The following PTPRG variants were observed in gnomAD, a reference collection of about 807,000 sequenced individuals.
PTPRG encodes the protein receptor-type tyrosine-protein phosphatase gamma.
A neutral mutation model predicts 165.3 loss-of-function variants in PTPRG; 102 were observed. The ratio of observed to expected loss-of-function variants is 0.62; its 90% CI spans 0.53 to 0.73. PTPRG has a LOEUF of 0.73. Among genes scored for constraint, PTPRG ranks in the 30% least tolerant of loss-of-function variants. The pLI is 0.00. For synonymous variants in PTPRG, 675 were observed against 669.5 expected (o/e 1.01, Z -0.13); for missense variants, 1,866 against 1,861.4 (o/e 1.00, Z -0.05).
chr3:61,621,051 A>ATGTGTGTG (rs1173192341), intron 1 of PTPRG, among the ~76,000 whole-genome samples: 43 of 117,938 alleles, frequency 3.6e-4, no homozygotes, highest in African/African-American at 1.1e-3. Flanking sequence ...ATATATATAT[A>ATGTGTGTG]TGTGTGTGTG....
At chr3:61,724,934 G>A (rs373203571) in intron 1 of PTPRG, among the ~76,000 whole-genome samples, 6 of 151,944 alleles carry the variant, frequency 3.9e-5, no homozygotes, top group African/African-American at 1.2e-4. Context: ...CTGTTCCCAC[G>A]TCCTCTCACC....
At chr3:62,095,863 T>C (rs940967397) in intron 5 of PTPRG, among the ~76,000 whole-genome samples, 2 of 152,072 alleles carry the variant, frequency 1.3e-5, no homozygotes, top group Admixed American at 6.5e-5. Context: ...AGCAATAGCA[T>C]GAGCAATGGC....
At chr3:61,848,411 C>G (rs1409991796) in intron 2 of PTPRG, among the ~76,000 whole-genome samples, 1 of 152,190 alleles carries the variant, frequency 6.6e-6, no homozygotes, top group African/African-American at 2.4e-5. Context: ...CTGAAATCCT[C>G]TGTTGGCAAA....
chr3:61,953,497 C>G (rs1356895853), intron 2 of PTPRG, among the ~76,000 whole-genome samples: 1 of 152,190 alleles, frequency 6.6e-6, no homozygotes, highest in Non-Finnish European at 1.5e-5. Context: ...GGCAGCACTT[C>G]TAAAGGTTAC....
intron 4 of PTPRG, among the ~76,000 whole-genome samples, chr3:62,012,266 G>C (rs1169406900): frequency 6.6e-6 from 1 of 152,116 alleles, no homozygotes; most frequent in African/African-American, 2.4e-5. Context: ...CCAGAATCTG[G>C]GCTCGAATAT....
At chr3:61,723,028 A>G (rs1001016810) in intron 1 of PTPRG, among the ~76,000 whole-genome samples, 3 of 150,806 alleles carry the variant, frequency 2.0e-5, no homozygotes, top group Admixed American at 6.6e-5. Flanking sequence ...TTGTGACCCA[A>G]CCCTAGGTTA....
At chr3:62,215,114 G>C (rs373896584) in intron 12 of PTPRG, among the ~76,000 whole-genome samples, 71 of 152,304 alleles carry the variant, frequency 4.7e-4, no homozygotes, top group African/African-American at 1.6e-3. Flanking sequence ...ATGATGCTGG[G>C]TTGGGGATGG....
At chr3:61,795,686 T>A (rs561476364) in intron 2 of PTPRG, among the ~76,000 whole-genome samples, 36 of 149,494 alleles carry the variant, frequency 2.4e-4, no homozygotes, top group African/African-American at 8.9e-4. Flanking sequence ...AGTATCTACC[T>A]TCACAGTGTT....
intron 2 of PTPRG, among the ~76,000 whole-genome samples, chr3:61,924,907 A>G (rs779221067): frequency 6.6e-6 from 1 of 152,220 alleles, no homozygotes. Context: ...TAATTAGGTC[A>G]TAAGCGTGGA....
At chr3:62,265,989 A>G (rs1425799477) in intron 17 of PTPRG, among the ~76,000 whole-genome samples, 2 of 151,424 alleles carry the variant, frequency 1.3e-5, no homozygotes, top group Admixed American at 1.3e-4. Flanking sequence ...TGCCTTGCTA[A>G]AAGTATTGTG....
chr3:61,925,496 C>T (rs1330492110), intron 2 of PTPRG, among the ~76,000 whole-genome samples: 1 of 152,204 alleles, frequency 6.6e-6, no homozygotes, highest in Non-Finnish European at 1.5e-5. Context: ...GTAATGCCAG[C>T]ACTTTGGGAG....
At chr3:61,923,563 C>A (rs182901225) in intron 2 of PTPRG, among the ~76,000 whole-genome samples, 2 of 136,234 alleles carry the variant, frequency 1.5e-5, no homozygotes, top group African/African-American at 5.4e-5. Context: ...CCCCTCCCCC[C>A]ACCCCACAAC....
intron 2 of PTPRG, among the ~76,000 whole-genome samples, chr3:61,949,729 GTT>G (rs200304116): frequency 4.9e-5 from 7 of 143,536 alleles, no homozygotes; most frequent in South Asian, 4.3e-4. Flanking sequence ...TGGATTCTTT[GTT>G]TTTTTTTTTT....
intron 3 of PTPRG, among the ~76,000 whole-genome samples, chr3:62,002,427 G>A (rs1283555499): frequency 6.6e-6 from 1 of 152,116 alleles, no homozygotes; most frequent in Non-Finnish European, 1.5e-5. Context: ...TTGAATGAAT[G>A]AATGAATGAA....
intron 2 of PTPRG, among the ~76,000 whole-genome samples, chr3:61,829,798 C>G (rs547460284): frequency 6.6e-6 from 1 of 152,018 alleles, no homozygotes; most frequent in South Asian, 2.1e-4. Context: ...GAAAATCACC[C>G]GGTAGATTAA....
intron 15 of PTPRG, among the ~76,000 whole-genome samples, chr3:62,249,448 A>G (rs1312919775): frequency 6.6e-6 from 1 of 152,212 alleles, no homozygotes; most frequent in South Asian, 2.1e-4. Context: ...ATTTGACCCA[A>G]GTACTATGCT....
At chr3:61,609,320 G>A (rs888706383) in intron 1 of PTPRG, among the ~76,000 whole-genome samples, 3 of 152,038 alleles carry the variant, frequency 2.0e-5, no homozygotes, top group Non-Finnish European at 4.4e-5. Flanking sequence ...GTATCATCTT[G>A]GCTACCAAGT....
chr3:62,264,183 G>C (rs1005982410), intron 17 of PTPRG: 3 of 152,258 alleles, frequency 2.0e-5, no homozygotes, highest in African/African-American at 7.2e-5. Context: ...ATGGGATGTG[G>C]TGGCATGCGC....
chr3:61,935,655 T>G (rs1346000973), intron 2 of PTPRG, among the ~76,000 whole-genome samples: 1 of 151,804 alleles, frequency 6.6e-6, no homozygotes, highest in Non-Finnish European at 1.5e-5. Context: ...GCTGATATCT[T>G]TTTTTAATCG....
Sources: allele counts gnomAD v4.1 joint callset (sites outside exome capture counted in the v4.1 genomes callset), GRCh38; gene constraint gnomAD v4.1.1; transcripts MANE v1.5; gene names NCBI Gene and HGNC (gene_info 2026-07-23, HGNC 2026-07-21).